PRH1: variants seen among roughly 807,000 people sequenced by gnomAD.
PRH1 encodes proline rich protein HaeIII subfamily 1, also known as salivary acidic proline-rich phosphoprotein 1/2.
A neutral mutation model predicts 7.9 loss-of-function variants in PRH1; 7 were observed. That is an observed-to-expected ratio of 0.89 (90% CI 0.50 to 1.67). The LOEUF is 1.67. Ranked by LOEUF, PRH1 falls within the 40% of genes most tolerant of loss-of-function variation. The pLI is 0.00. For synonymous variants in PRH1, 45 were observed against 80.8 expected (o/e 0.56, Z 2.38); for missense variants, 109 against 223.6 (o/e 0.49, Z 3.27).
At chr12:11,125,219 C>T (rs769982711) in intron 1 of PRH1, among the ~76,000 whole-genome samples, 7 of 152,274 alleles carry the variant, frequency 4.6e-5, no homozygotes, top group Non-Finnish European at 7.3e-5. Flanking sequence ...AATACAAAAC[C>T]GACACATTTC....
chr12:11,168,252 GAA>G (rs1188364035), intron 1 of PRH1, among the ~76,000 whole-genome samples: 2 of 26,684 alleles, frequency 7.5e-5, no homozygotes, highest in Non-Finnish European at 1.9e-4. Context: ...AAGAAAGAAA[GAA>G]AGAAAGAAAG....
intron 1 of PRH1, among the ~76,000 whole-genome samples, chr12:10,977,250 G>T (rs1391882417): frequency 6.6e-6 from 1 of 152,112 alleles, no homozygotes; most frequent in Non-Finnish European, 1.5e-5. Context: ...AACATACAAG[G>T]TTGTTTCAGC....
intron 2 of PRH1, chr12:10,964,875 C>G: frequency 1.8e-6 from 1 of 556,352 alleles, no homozygotes; most frequent in Non-Finnish European, 3.3e-6. Flanking sequence ...CTCACGTTTC[C>G]TTCATATTCT....
chr12:11,047,626 C>T (rs1217660766), upstream of PRH1, among the ~76,000 whole-genome samples: 1 of 152,028 alleles, frequency 6.6e-6, no homozygotes, highest in Non-Finnish European at 1.5e-5. Context: ...ATCTTCATTC[C>T]TATTATAGAA....
chr12:10,995,397 A>G (rs1322327744), intron 1 of PRH1, among the ~76,000 whole-genome samples: 1 of 152,196 alleles, frequency 6.6e-6, no homozygotes, highest in Non-Finnish European at 1.5e-5. Flanking sequence ...TTAAAATTGC[A>G]TAACACCAGA....
chr12:11,011,952 C>T (rs1442993859), intron 1 of PRH1, among the ~76,000 whole-genome samples: 9 of 152,130 alleles, frequency 5.9e-5, no homozygotes, highest in African/African-American at 1.9e-4. Context: ...GCCCTAATTT[C>T]CCAATCATGT....
At chr12:11,170,708 G>A (rs1394548288) in intron 1 of PRH1, among the ~76,000 whole-genome samples, 1 of 152,102 alleles carries the variant, frequency 6.6e-6, no homozygotes, top group Non-Finnish European at 1.5e-5. Context: ...ATATAATTTT[G>A]TATGTATGTC....
chr12:11,146,375 T>A (rs958843405), intron 1 of PRH1, among the ~76,000 whole-genome samples: 1 of 152,156 alleles, frequency 6.6e-6, no homozygotes, highest in African/African-American at 2.4e-5. Context: ...CATGTATACC[T>A]GAATTTGGCA....
At chr12:11,097,120 A>C in intron 1 of PRH1, 1 of 156,952 alleles carries the variant, frequency 6.4e-6, no homozygotes, top group South Asian at 5.4e-5. Flanking sequence ...ATTAGCAAAA[A>C]TCAAAATTTC....
chr12:10,929,959 C>A (rs1196721381), intron 2 of PRH1, among the ~76,000 whole-genome samples: 1 of 152,162 alleles, frequency 6.6e-6, no homozygotes, highest in East Asian at 1.9e-4. Context: ...TGAAAGAGGG[C>A]AGAAGGATCC....
intron 2 of PRH1, among the ~76,000 whole-genome samples, chr12:10,890,154 T>C (rs1313514563): frequency 6.6e-6 from 1 of 152,186 alleles, no homozygotes; most frequent in Non-Finnish European, 1.5e-5. Context: ...GTTCGGACAT[T>C]GGAGGGTGAA....
chr12:10,901,750 T>TG (rs1352621207), intron 2 of PRH1, among the ~76,000 whole-genome samples: 1 of 151,904 alleles, frequency 6.6e-6, no homozygotes, highest in African/African-American at 2.4e-5. Flanking sequence ...CTATAGAAGC[T>TG]GGGCAAAAGA....
At chr12:11,142,951 A>G (rs1295933326) in intron 1 of PRH1, among the ~76,000 whole-genome samples, 5 of 152,224 alleles carry the variant, frequency 3.3e-5, no homozygotes, top group Non-Finnish European at 7.3e-5. Flanking sequence ...TGTTAAAGGG[A>G]TTACTTCAAT....
chr12:11,029,212 A>C (rs370186109), intron 1 of PRH1, among the ~76,000 whole-genome samples: 1 of 151,474 alleles, frequency 6.6e-6, no homozygotes, highest in African/African-American at 2.4e-5. Flanking sequence ...AATACAGTCA[A>C]GTAGAATTTA....
At chr12:10,961,772 A>C (rs1938245273) in intron 2 of PRH1, among the ~76,000 whole-genome samples, 2 of 152,220 alleles carry the variant, frequency 1.3e-5, no homozygotes, top group African/African-American at 4.8e-5. Context: ...AATGGAAGAC[A>C]GAAGACAGCT....
intron 1 of PRH1, chr12:11,061,935 G>T: frequency 6.2e-7 from 1 of 1,613,968 alleles, no homozygotes; most frequent in Non-Finnish European, 8.5e-7. Context: ...TCCTCTTTAA[G>T]TGAAGAAAAA....
chr12:10,986,047 GAT>G (rs1939601726), intron 1 of PRH1: 1 of 1,613,918 alleles, frequency 6.2e-7, no homozygotes, highest in Admixed American at 1.7e-5. Context: ...TCGAATGCAA[GAT>G]ATATGTTTCC....
At chr12:10,999,460 T>C (rs1181708371) in intron 1 of PRH1, among the ~76,000 whole-genome samples, 4 of 152,192 alleles carry the variant, frequency 2.6e-5, no homozygotes, top group Non-Finnish European at 5.9e-5. Context: ...CCTAGGTATA[T>C]AATGAGCAGA....
At chr12:11,146,595 T>C (rs1352614452) in intron 1 of PRH1, among the ~76,000 whole-genome samples, 1 of 152,180 alleles carries the variant, frequency 6.6e-6, no homozygotes, top group Non-Finnish European at 1.5e-5. Flanking sequence ...AATTTAAAAC[T>C]TATCAAACTT....
Sources: gnomAD v4.1 joint callset for allele counts (sites outside exome capture counted in the v4.1 genomes callset) on GRCh38, gnomAD v4.1.1 for gene constraint, MANE v1.5 for transcripts, NCBI Gene and HGNC (gene_info 2026-07-23, HGNC 2026-07-21) for gene names.